Variants in OSGEPL1 observed in about 807,000 individuals in gnomAD.
OSGEPL1 encodes O-sialoglycoprotein endopeptidase like 1.
A neutral mutation model predicts 37.2 loss-of-function variants in OSGEPL1; 26 were observed. That is an observed-to-expected ratio of 0.70 (90% CI 0.51 to 0.97). The LOEUF is 0.97. Among genes scored for constraint, OSGEPL1 ranks in the 50% least tolerant of loss-of-function variants. OSGEPL1 has a pLI of 0.00. For missense variants in OSGEPL1, 404 were observed against 487.0 expected, an observed-to-expected ratio of 0.83 and a Z score of 1.60; for synonymous variants, 140 against 159.9, an observed-to-expected ratio of 0.88 and a Z score of 0.94.
intron 2 of OSGEPL1, 143 bp from the exon 3 acceptor site, chr2:189,755,703 T>G: frequency 1.2e-6 from 1 of 846,880 alleles, no homozygotes; most frequent in Non-Finnish European, 1.7e-6. Context: ...CCTTCTAACA[T>G]AGCACACTAT....
rs1367630445 is a variant in OSGEPL1, at chr2:189,753,985, C to T, written c.894G>A (p.Val298=). The T allele has an allele frequency of 6.2e-7, 1 of 1,613,614 alleles. No homozygotes were observed. Residue 298 remains valine (V), a synonymous_variant, in exon 5 of 9, where the codon GTG becomes GTA. Transcript: ENST00000264151. ...TVQHTMACHL[V]KRTHRAILFC... ...ACAGAATAGCCCGATGTGTTCTTTT[C>T]ACAAGATGACATGCCATTGTGTGCT...
rs577979918 is a variant in OSGEPL1 at position 189,753,411 on chromosome 2, T to C, written c.964-432A>G. The stretch of plus-strand genomic sequence containing the variant: ...ATTTTTAAATGAATAAAGTTTAAGA[T>C]ACAGTTAAACAGGATGTTTGTCAAG... On this transcript the variant is annotated intron_variant, in intron 5 of 8. Transcript: ENST00000264151. 5.3e-5 allele frequency among the ~76,000 whole-genome samples: 8 copies of C among 152,306 alleles called. No homozygotes were observed. The East Asian group carries it at 1.3e-3, about 26-fold the overall frequency.
intron 2 of OSGEPL1, among the ~76,000 whole-genome samples, chr2:189,756,367 C>T (rs1311146613): frequency 1.3e-5 from 2 of 152,082 alleles, no homozygotes; most frequent in East Asian, 3.9e-4. Context: ...AATATGAGAA[C>T]TGGAGCAATA....
chr2:189,748,177 G>A (rs2044460464), intron 8 of OSGEPL1, among the ~76,000 whole-genome samples: 1 of 152,166 alleles, frequency 6.6e-6, no homozygotes, highest in Non-Finnish European at 1.5e-5. Context: ...GTCAGTGGGT[G>A]AGTGAGTGGG....
chr2:189,750,447 A>AGT, intron 8 of OSGEPL1, 103 bp downstream of exon 8: 1 of 416,914 alleles, frequency 2.4e-6, no homozygotes, highest in Non-Finnish European at 4.0e-6. Flanking sequence ...TAAAACATCA[A>AGT]ATAGAAAAAA....
chr2:189,756,236 G>C (rs2046063971), intron 2 of OSGEPL1, among the ~76,000 whole-genome samples: 1 of 152,194 alleles, frequency 6.6e-6, no homozygotes, highest in East Asian at 1.9e-4. Flanking sequence ...CTGGTGCTCA[G>C]AGTTTGTAAT....
intron 2 of OSGEPL1, among the ~76,000 whole-genome samples, chr2:189,755,806 A>C (rs1289744288): frequency 6.6e-6 from 1 of 152,188 alleles, no homozygotes; most frequent in Non-Finnish European, 1.5e-5. Flanking sequence ...TTTGTTGACA[A>C]ATGAAATCAC....
intron 8 of OSGEPL1, among the ~76,000 whole-genome samples, chr2:189,748,542 G>C (rs912882979): frequency 6.6e-6 from 1 of 152,212 alleles, no homozygotes; most frequent in African/African-American, 2.4e-5. Flanking sequence ...AAAAATAAGA[G>C]ACCTCTTTAA....
At chr2:189,761,827 G>A (rs2047105155) in intron 1 of OSGEPL1, among the ~76,000 whole-genome samples, 167 bp from the exon 2 acceptor site, 1 of 152,120 alleles carries the variant, frequency 6.6e-6, no homozygotes, top group Admixed American at 6.5e-5. Context: ...TGAATATAAT[G>A]TTCTCCAAGG....
chr2:189,762,762 A>G lies in OSGEPL1; in HGVS notation c.-98T>C. The G allele has an allele frequency of 3.0e-6, 3 of 985,490 alleles. No individual in the cohort carries two copies. Among genetic ancestry groups the G allele is most frequent in the Non-Finnish European group, 3.6e-6 (3 of 830,040 alleles). 61.0% of individuals were successfully genotyped at this position (985,490 alleles called of 1,614,324 possible). On this transcript the variant is annotated 5_prime_UTR_variant, in exon 1 of 9. Coordinates refer to ENST00000264151, the MANE Select transcript of OSGEPL1 (RefSeq NM_022353.3). ...TGTCGACTGCCCTTATCGCTGCAGGAGAAAGCCCGAACCTGGCGCCCGGAA... is the reference window on the plus strand; with the variant it reads ...TGTCGACTGCCCTTATCGCTGCAGGGGAAAGCCCGAACCTGGCGCCCGGAA...
intron 5 of OSGEPL1, among the ~76,000 whole-genome samples, 192 bp downstream of exon 5, chr2:189,753,724 C>T (rs1245346822): frequency 6.6e-6 from 1 of 152,168 alleles, no homozygotes; most frequent in Non-Finnish European, 1.5e-5. Context: ...AGAAGCTATA[C>T]AGCTGTCCCA....
chr2:189,762,816 C>T (rs748252803), upstream of OSGEPL1: 3 of 985,338 alleles, frequency 3.0e-6, no homozygotes, highest in African/African-American at 5.2e-5. Context: ...TGCAAGGTCC[C>T]GTCCAGAGCT....
intron 2 of OSGEPL1, among the ~76,000 whole-genome samples, chr2:189,759,605 T>C (rs928310131): frequency 6.6e-6 from 1 of 152,174 alleles, no homozygotes; most frequent in African/African-American, 2.4e-5. Context: ...GGAACTTGCC[T>C]ACAGTTACAG....
intron 7 of OSGEPL1, 115 bp downstream of exon 7, chr2:189,752,538 A>G (rs908621105): frequency 1.0e-6 from 1 of 953,026 alleles, no homozygotes; most frequent in Admixed American, 2.5e-5. Context: ...AAATTTATGT[A>G]ACTTTCCTTC....
rs2045929349 is a variant in OSGEPL1 at position 189,755,296 on chromosome 2, T to C, written c.486A>G (p.Glu162=). ...AAATCAAAAGAACTAAAAAAGGAAA[T>C]TCTACTTTATTGGTCAACCTAATAG... The part of the protein sequence containing the change: ...ALTIRLTNKV[E]FPFLVLLISG... Residue 162 remains glutamate, a synonymous_variant, in exon 3 of 9, where the codon GAA becomes GAG. Coordinates refer to ENST00000264151, the MANE Select transcript of OSGEPL1 (RefSeq NM_022353.3). 1.2e-6 allele frequency: 2 copies of C among 1,613,362 alleles called. No individual in the cohort carries two copies. Among genetic ancestry groups the C allele is most frequent in the Admixed American group, 1.7e-5 (1 of 59,818 alleles).
intron 2 of OSGEPL1, 131 bp from the exon 3 acceptor site, chr2:189,755,691 T>G: frequency 1.0e-6 from 1 of 975,124 alleles, no homozygotes; most frequent in Non-Finnish European, 1.5e-6. Context: ...TCTAATTGTG[T>G]GCCTTCTAAC....
At chr2:189,750,378 A>G (rs528506281) in intron 8 of OSGEPL1, among the ~76,000 whole-genome samples, 172 bp downstream of exon 8, 1 of 152,296 alleles carries the variant, frequency 6.6e-6, no homozygotes, top group East Asian at 1.9e-4. Flanking sequence ...TAATTAAAAG[A>G]AAAAAACTAT....
chr2:189,761,908 T>A (rs1385096357), intron 1 of OSGEPL1, among the ~76,000 whole-genome samples: 2 of 152,156 alleles, frequency 1.3e-5, no homozygotes, highest in Non-Finnish European at 2.9e-5. Flanking sequence ...ACCAAAAGAC[T>A]TACTATTAAG....
At chr2:189,756,922 T>A (rs1172280959) in intron 2 of OSGEPL1, among the ~76,000 whole-genome samples, 1 of 152,204 alleles carries the variant, frequency 6.6e-6, no homozygotes, top group Non-Finnish European at 1.5e-5. Flanking sequence ...CAAATCCAAA[T>A]TCTCTCCCTG....
Sources: allele counts gnomAD v4.1 joint callset (sites outside exome capture counted in the v4.1 genomes callset), GRCh38; gene constraint gnomAD v4.1.1; transcripts MANE v1.5; gene names NCBI Gene and HGNC (gene_info 2026-07-23, HGNC 2026-07-21).